KALRN: variants seen among roughly 807,000 people sequenced by gnomAD.
KALRN encodes kalirin RhoGEF kinase.
A neutral mutation model predicts 353.7 loss-of-function variants in KALRN; 70 were observed. The ratio of observed to expected loss-of-function variants is 0.20; its 90% CI spans 0.16 to 0.24. The LOEUF (loss-of-function observed/expected upper bound fraction) is 0.24. Ranked by LOEUF, KALRN falls within the 10% of genes least tolerant of loss-of-function variation. The pLI, the probability that KALRN is intolerant of heterozygous loss-of-function variation, is 1.00. For missense variants in KALRN, 2,791 were observed against 3,756.7 expected, an observed-to-expected ratio of 0.74 and a Z score of 6.72; for synonymous variants, 1,391 against 1,434.8, an observed-to-expected ratio of 0.97 and a Z score of 0.69.
rs1334397296 is a variant in KALRN, at chr3:124,500,014, C to T, written c.4935+3601C>T. On this transcript the variant is annotated intron_variant, in intron 33 of 59. Transcript: ENST00000682506. ...ATACAAATACATCTAAATATAAATA[C>T]ATCTAAAAGGTACATAATACTGCAG... Among the ~76,000 whole-genome samples, 4 of 152,174 alleles carry T rather than the reference C, an allele frequency of 2.6e-5. No individual in the cohort carries two copies. In the East Asian group the frequency reaches 7.7e-4, roughly 29 times the overall value.
Position 124,605,584 on chromosome 3 carries a change from A to AGAGAG in KALRN, c.5183-26836_5183-26835insGAGAG, listed in dbSNP as rs377624275. 1.3e-3 allele frequency among the ~76,000 whole-genome samples: 166 copies of AGAGAG among 132,218 alleles called. 1 individual carries two copies. Among genetic ancestry groups the AGAGAG allele is most frequent in the Admixed American group, 2.1e-3 (28 of 13,054 alleles). The allele number at this position is 132,218 out of a possible 152,430, so 86.7% of individuals were successfully genotyped here. A position where few individuals can be genotyped will look rare whatever the true frequency, so the allele number is the denominator to read the frequency against. ...TGGGACTCCATCTAAAAAAAAAAAA[A>AGAGAG]AAAGAGAGAGAGAGAATAGGTGCAT... On this transcript the variant is annotated intron_variant, in intron 34 of 59. Coordinates refer to ENST00000682506, the MANE Select transcript of KALRN (RefSeq NM_001388419.1).
chr3:124,119,808 T>C (rs2063795917), intron 1 of KALRN, among the ~76,000 whole-genome samples: 1 of 152,222 alleles, frequency 6.6e-6, no homozygotes, highest in African/African-American at 2.4e-5. Context: ...AATTTTCAGA[T>C]GGCAAACCCT....
chr3:124,554,178 A>C (rs1197721518), intron 33 of KALRN, among the ~76,000 whole-genome samples: 1 of 152,216 alleles, frequency 6.6e-6, no homozygotes, highest in East Asian at 1.9e-4. Context: ...TAACATGGCG[A>C]AACCCCATCT....
chr3:124,708,977 CT>C (rs1254097359), intron 57 of KALRN, among the ~76,000 whole-genome samples: 2 of 152,024 alleles, frequency 1.3e-5, no homozygotes, highest in Non-Finnish European at 2.9e-5. Context: ...GAACCAACAT[CT>C]TTAAAATGCT....
rs536817671 is a variant in KALRN, at chr3:124,256,472, G to A, written c.264-8026G>A. On this transcript the variant is annotated intron_variant, in intron 3 of 59. Coordinates refer to ENST00000682506, the MANE Select transcript of KALRN (RefSeq NM_001388419.1). ...ATGAGCGGGGAGTGGCTTGAAGAGT[G>A]GTTTTTAAGCCTTCTCCAAAGACAT... is the stretch of plus-strand genomic sequence containing the variant. 2.5e-3 allele frequency among the ~76,000 whole-genome samples: 381 copies of A among 152,242 alleles called. 3 individuals carry two copies. The highest frequency in any genetic ancestry group is 7.1e-3 in the Admixed American group (109 of 15,298).
At chr3:124,411,433 C>CTTTTTTTTTT (rs61485429) in intron 13 of KALRN, among the ~76,000 whole-genome samples, 6,606 of 51,438 alleles carry the variant, frequency 0.13, 1,556 homozygotes, top group Non-Finnish European at 0.16. Flanking sequence ...TTAAATTATG[C>CTTTTTTTTTT]TTTTTTTTTT....
At chr3:124,495,081 C>G (rs1357524346) in intron 32 of KALRN, among the ~76,000 whole-genome samples, 1 of 152,116 alleles carries the variant, frequency 6.6e-6, no homozygotes, top group African/African-American at 2.4e-5. Context: ...AGTTCTACAG[C>G]TGGAGAGCTG....
intron 33 of KALRN, among the ~76,000 whole-genome samples, chr3:124,557,595 A>C (rs975985782): frequency 6.6e-6 from 1 of 152,176 alleles, no homozygotes; most frequent in African/African-American, 2.4e-5. Flanking sequence ...CTCCAGCTTT[A>C]CATTTTTTGC....
chr3:124,043,673 A>C (rs546540026), intron 1 of KALRN, among the ~76,000 whole-genome samples: 1 of 152,270 alleles, frequency 6.6e-6, no homozygotes, highest in Admixed American at 6.5e-5. Flanking sequence ...AAGCTGAGGC[A>C]GCTGTGAAAT....
chr3:124,121,570 T>G (rs1187198900), intron 1 of KALRN, among the ~76,000 whole-genome samples: 3 of 152,344 alleles, frequency 2.0e-5, no homozygotes, highest in African/African-American at 7.2e-5. Context: ...ACTCAGCTAT[T>G]TCTTATCTCC....
intron 44 of KALRN, 71 bp from the exon 45 acceptor site, chr3:124,661,780 C>CA: frequency 8.4e-7 from 1 of 1,186,884 alleles, no homozygotes; most frequent in Middle Eastern, 1.9e-4. Flanking sequence ...TGTTTTCCAG[C>CA]ACTGAATTAC....
At chr3:124,083,758 T>A (rs2060661911) in intron 1 of KALRN, among the ~76,000 whole-genome samples, 1 of 152,200 alleles carries the variant, frequency 6.6e-6, no homozygotes, top group South Asian at 2.1e-4. Flanking sequence ...TAGCACTGAT[T>A]CCCAGTGAGA....
chr3:124,370,693 A>C (rs1404111960), intron 10 of KALRN, among the ~76,000 whole-genome samples: 1 of 152,250 alleles, frequency 6.6e-6, no homozygotes, highest in Non-Finnish European at 1.5e-5. Context: ...GATCTTGATC[A>C]CACTTGTTTA....
chr3:124,116,200 G>A (rs951383748), intron 1 of KALRN, among the ~76,000 whole-genome samples: 1 of 152,098 alleles, frequency 6.6e-6, no homozygotes, highest in African/African-American at 2.4e-5. Context: ...TGTTCCAGCT[G>A]GTAGTCTTTT....
rs944710595 is a variant in KALRN at position 124,033,747 on chromosome 3, C to T, written c.7C>T (p.Pro3Ser). Among the ~76,000 whole-genome samples the T allele has an allele frequency of 1.3e-5, 2 of 152,024 alleles. No individual in the cohort carries two copies. The highest frequency in any genetic ancestry group is 4.8e-5 in the African/African-American group (2 of 41,404). Residue 3 changes from proline to serine, a missense_variant, in exon 1 of 60, where the codon CCC becomes TCC. By Grantham distance (74) the Pro-to-Ser change is moderately conservative (BLOSUM62 -1). Coordinates refer to ENST00000682506, the MANE Select transcript of KALRN (RefSeq NM_001388419.1). The surrounding 1 kb of genome is among the most constrained non-coding windows in gnomAD (Gnocchi z 6.2). MN[P>S]PEGAAEEGGA... is the part of the protein sequence containing the mutation. Reference sequence around the variant, plus strand: ...CGGACGCCCTCCCACAGTCATGAACCCCCCTGAGGGAGCAGCGGAGGAAGG... The same window carrying T: ...CGGACGCCCTCCCACAGTCATGAACTCCCCTGAGGGAGCAGCGGAGGAAGG...
chr3:124,478,365 T>C (rs745708710), intron 27 of KALRN, among the ~76,000 whole-genome samples: 1 of 152,214 alleles, frequency 6.6e-6, no homozygotes, highest in Non-Finnish European at 1.5e-5. Flanking sequence ...TAAAGACATT[T>C]AAACATGGTC....
intron 11 of KALRN, among the ~76,000 whole-genome samples, chr3:124,390,140 A>C (rs1231956355): frequency 6.6e-6 from 1 of 152,210 alleles, no homozygotes; most frequent in Non-Finnish European, 1.5e-5. Flanking sequence ...CCGAGTCCTC[A>C]TTCTTTTTGT....
At position 124,434,491 on chromosome 3, in the gene KALRN, A is replaced by G. The variant is rs1449234865; in HGVS notation, c.3014A>G (p.Asn1005Ser). The stretch of plus-strand genomic sequence containing the variant: ...ATGGAAGACCGGCTAAAATTGGTCA[A>G]TGCCTCTGTGGCCTTTTACAAAACT... ...LKMEDRLKLV[N>S]ASVAFYKTSE... is the part of the protein sequence containing the mutation. Residue 1005 changes from asparagine (N) to serine (S), a missense_variant, in exon 17 of 60, where the codon AAT becomes AGT. Coordinates refer to ENST00000682506, the MANE Select transcript of KALRN (RefSeq NM_001388419.1). 1 of 1,614,224 alleles carries G rather than the reference A, an allele frequency of 6.2e-7. No individual in the cohort carries two copies. The highest frequency in any genetic ancestry group is 1.7e-5 in the Admixed American group (1 of 60,034).
chr3:124,655,644 A>G lies in KALRN; in HGVS notation c.5839A>G (p.Lys1947Glu), dbSNP rs773904610. Reference protein sequence around the residue: ...ELVQTEKDYVKDLGIVVEGFM... With the variant: ...ELVQTEKDYVEDLGIVVEGFM... ...GGTACAGACAGAGAAAGACTATGTC[A>G]AGGATCTGGGCATTGTGGTGGAGGT... The change falls in exon 39 of 60, where the codon AAG (lysine) becomes GAG (glutamate). Residue 1947 changes from lysine to glutamate, a missense_variant. By Grantham distance (56) the Lys-to-Glu change is moderately conservative. Coordinates refer to ENST00000682506, the MANE Select transcript of KALRN (RefSeq NM_001388419.1). 13 of 1,613,712 alleles carry G rather than the reference A, an allele frequency of 8.1e-6. No individual in the cohort carries two copies. The highest frequency in any genetic ancestry group is 3.3e-4 in the Middle Eastern group (2 of 6,080).
Sources: allele counts gnomAD v4.1 joint callset (sites outside exome capture counted in the v4.1 genomes callset), GRCh38; gene constraint gnomAD v4.1.1; non-coding constraint Gnocchi (gnomAD v3.1); transcripts MANE v1.5; gene names NCBI Gene and HGNC (gene_info 2026-07-23, HGNC 2026-07-21).